The following C3orf52 variants were observed in gnomAD, a reference collection of about 807,000 sequenced individuals.
C3orf52 encodes the protein TPA-induced transmembrane protein.
In C3orf52, 22 loss-of-function variants were observed where a neutral mutation model predicts 24.8. That is an observed-to-expected ratio of 0.89 (90% confidence interval 0.63 to 1.27). The LOEUF is 1.27. Among genes scored for constraint, C3orf52 ranks in the 50% most tolerant of loss-of-function variants. The pLI is 0.00. For synonymous variants in C3orf52, 93 were observed against 100.2 expected, an observed-to-expected ratio of 0.93 and a Z score of 0.43; for missense variants, 265 against 260.7, an observed-to-expected ratio of 1.02 and a Z score of -0.11.
chr3:112,086,690 A>T (rs1192292321), intron 1 of C3orf52, 145 bp downstream of exon 1: 2 of 1,077,128 alleles, frequency 1.9e-6, no homozygotes, highest in Middle Eastern at 3.2e-4. Context: ...AGTGCTCTGA[A>T]TGGAGCCGAG....
At position 112,105,702 on chromosome 3, in the gene C3orf52, A is replaced by G. The variant is rs578259143; in HGVS notation, c.396+2737A>G. 5.9e-5 allele frequency among the ~76,000 whole-genome samples: 9 copies of G among 152,008 alleles called. No homozygotes were observed. In the East Asian group the frequency reaches 1.7e-3, roughly 29 times the overall value. ...CAGCCCCACAAAACTTCCCTCATTT[A>G]AGATGCCAGTTACGGGAGGCTGAGG... is the stretch of plus-strand genomic sequence containing the variant. On this transcript the variant is annotated intron_variant, in intron 3 of 5. Transcript: ENST00000264848.
intron 4 of C3orf52, chr3:112,125,125 TA>T: frequency 1.3e-6 from 1 of 790,792 alleles, no homozygotes. Context: ...TTTCTCCATG[TA>T]AGGGTCAGAA....
intron 3 of C3orf52, among the ~76,000 whole-genome samples, chr3:112,107,643 G>T (rs751663746): frequency 6.6e-6 from 1 of 152,186 alleles, no homozygotes; most frequent in Non-Finnish European, 1.5e-5. Flanking sequence ...TTGAATTTTG[G>T]CTTCTCCTTT....
chr3:112,093,210 T>C, intron 1 of C3orf52, 150 bp from the exon 2 acceptor site: 1 of 677,004 alleles, frequency 1.5e-6, no homozygotes, highest in Non-Finnish European at 2.3e-6. Context: ...CTGCCTCTGA[T>C]CTCTCTTTTT....
intron 2 of C3orf52, among the ~76,000 whole-genome samples, chr3:112,099,937 A>G (rs1038639220): frequency 1.3e-5 from 2 of 152,208 alleles, no homozygotes; most frequent in African/African-American, 4.8e-5. Context: ...TTGGAGAAGT[A>G]GCTTCAGAGA....
chr3:112,089,688 C>T (rs558532773), intron 1 of C3orf52, among the ~76,000 whole-genome samples: 1 of 152,192 alleles, frequency 6.6e-6, no homozygotes, highest in South Asian at 2.1e-4. Context: ...GAAGAGTTTC[C>T]TACCTGTAAG....
chr3:112,104,940 G>A (rs550910705), intron 3 of C3orf52, among the ~76,000 whole-genome samples: 66 of 152,274 alleles, frequency 4.3e-4, no homozygotes, highest in Middle Eastern at 3.4e-3. Flanking sequence ...TAATGGAGAG[G>A]TTTTTGCATT....
At chr3:112,108,161 A>G (rs1382593772) in intron 3 of C3orf52, among the ~76,000 whole-genome samples, 1 of 152,240 alleles carries the variant, frequency 6.6e-6, no homozygotes, top group African/African-American at 2.4e-5. Flanking sequence ...CAGATAGATA[A>G]GAAAAAGACA....
intron 4 of C3orf52, chr3:112,125,311 G>T: frequency 8.6e-7 from 1 of 1,161,082 alleles, no homozygotes; most frequent in South Asian, 1.2e-5. Context: ...TTGAAGGGAA[G>T]AGCAGGGGAG....
chr3:112,089,512 A>T (rs1008147398), intron 1 of C3orf52, among the ~76,000 whole-genome samples: 2 of 146,648 alleles, frequency 1.4e-5, no homozygotes, highest in African/African-American at 5.1e-5. Context: ...CTGGGCAACA[A>T]GAGTGAAACT....
At chr3:112,099,183 T>C (rs571409551) in intron 2 of C3orf52, among the ~76,000 whole-genome samples, 21 of 152,322 alleles carry the variant, frequency 1.4e-4, no homozygotes, top group Admixed American at 2.6e-4. Context: ...TGCTTCCTGT[T>C]AAGCCCGCAG....
chr3:112,120,585 G>T (rs2074178175), downstream of C3orf52, among the ~76,000 whole-genome samples: 1 of 152,184 alleles, frequency 6.6e-6, no homozygotes, highest in Non-Finnish European at 1.5e-5. Flanking sequence ...GTAGTTTTAA[G>T]ACCAGCATGA....
intron 3 of C3orf52, among the ~76,000 whole-genome samples, chr3:112,103,560 A>G (rs2073997047): frequency 6.6e-6 from 1 of 152,198 alleles, no homozygotes; most frequent in South Asian, 2.1e-4. Flanking sequence ...TGCCAGGGCC[A>G]CATTGTCTGT....
chr3:112,093,414 A>G lies in C3orf52; in HGVS notation c.193A>G (p.Lys65Glu). ...TAATAAGAATGTGGTTGGAAGATGC[A>G]AACTGTGGATGATCATCACCTCCAT... ...SCNKNVVGRC[K>E]LWMIITSIFL... Residue 65 changes from lysine to glutamate, a missense_variant, in exon 2 of 6, where the codon AAA becomes GAA. Lys to Glu is a moderately conservative substitution (Grantham distance 56). Transcript: ENST00000264848. 6.2e-7 allele frequency: 1 copy of G among 1,613,930 alleles called. No individual in the cohort carries two copies.
At position 112,123,687 on chromosome 3, in the gene C3orf52, G is replaced by A. The variant is rs147553964; in HGVS notation, c.*46+4125G>A. On this transcript the variant is annotated intron_variant, in intron 4 of 4. Coordinates refer to the C3orf52 transcript ENST00000480282. The stretch of plus-strand genomic sequence containing the variant: ...AACATTCTCATAGTACTCTTCAGCA[G>A]AGTTCCCTGATGGCCTTGTACAGAG... The A allele has an allele frequency of 6.8e-5, 109 of 1,614,150 alleles. 2 individuals carry two copies. In the African/African-American group the frequency reaches 1.4e-3, roughly 21 times the overall value.
exon 5 of C3orf52, chr3:112,128,322 C>G: frequency 1.6e-6 from 1 of 629,192 alleles, no homozygotes; most frequent in Non-Finnish European, 2.9e-6. Context: ...ACTCTCAATT[C>G]TGGTAATTTC....
downstream of C3orf52, among the ~76,000 whole-genome samples, chr3:112,119,836 A>G (rs2074171465): frequency 6.6e-6 from 1 of 152,250 alleles, no homozygotes; most frequent in East Asian, 1.9e-4. Context: ...CACCTCCCTC[A>G]TCTCACAGTT....
downstream of C3orf52, among the ~76,000 whole-genome samples, chr3:112,118,968 G>T (rs2074164283): frequency 6.6e-6 from 1 of 152,154 alleles, no homozygotes; most frequent in African/African-American, 2.4e-5. Context: ...GTGTTTTATG[G>T]AAGGCTATGG....
downstream of C3orf52, among the ~76,000 whole-genome samples, chr3:112,131,877 A>G (rs2074461581): frequency 6.6e-6 from 1 of 152,200 alleles, no homozygotes; most frequent in African/African-American, 2.4e-5. Context: ...TAAATAAAAA[A>G]CCATAAGAAG....
Sources: gnomAD v4.1 joint callset for allele counts (sites outside exome capture counted in the v4.1 genomes callset) on GRCh38, gnomAD v4.1.1 for gene constraint, MANE v1.5 for transcripts, NCBI Gene and HGNC (gene_info 2026-07-23, HGNC 2026-07-21) for gene names.